Variants in CHEK2 observed in about 807,000 individuals in gnomAD.
The protein encoded by CHEK2 is serine/threonine-protein kinase Chk2.
In CHEK2, 71 loss-of-function variants were observed where a neutral mutation model predicts 69.1. That is an observed-to-expected ratio of 1.03 (90% CI 0.85 to 1.25). CHEK2 has a LOEUF of 1.25. Ranked by LOEUF, CHEK2 falls within the 50% of genes most tolerant of loss-of-function variation. The pLI, the probability that CHEK2 is intolerant of heterozygous loss-of-function variation, is 0.00. For synonymous variants in CHEK2, 189 were observed against 226.9 expected (o/e 0.83, Z 1.50); for missense variants, 664 against 649.6 (o/e 1.02, Z -0.24).
chr22:28,729,492 G>A (rs1428067431), intron 2 of CHEK2: 4 of 140,426 alleles, frequency 2.8e-5, no homozygotes, highest in Non-Finnish European at 6.0e-5. Context: ...GCAGTGAGCC[G>A]AGATCACGCC....
At chr22:28,700,307 G>C (rs1251196303) in intron 8 of CHEK2, among the ~76,000 whole-genome samples, 1 of 151,568 alleles carries the variant, frequency 6.6e-6, no homozygotes, top group East Asian at 1.9e-4. Context: ...CGCTTCCCAG[G>C]TTCAAGTGAT....
chr22:28,734,059 A>G (rs1407782502), intron 2 of CHEK2, among the ~76,000 whole-genome samples: 2 of 152,144 alleles, frequency 1.3e-5, no homozygotes, highest in East Asian at 3.9e-4. Flanking sequence ...CCGAGCTCCA[A>G]TTCACTTTGG....
At chr22:28,717,131 C>A (rs957994107) in intron 5 of CHEK2, among the ~76,000 whole-genome samples, 1 of 152,098 alleles carries the variant, frequency 6.6e-6, no homozygotes, top group Non-Finnish European at 1.5e-5. Context: ...ATAATCCCAG[C>A]ACTTTGGGGG....
chr22:28,741,148 CA>C lies in CHEK2; in HGVS notation c.-7+620del, dbSNP rs71194792. 5.1e-3 allele frequency among the ~76,000 whole-genome samples: 262 copies of C among 51,170 alleles called. 1 individual carries two copies. Among genetic ancestry groups the C allele is most frequent in the East Asian group, 0.021 (27 of 1,302 alleles). 33.6% of individuals were successfully genotyped at this position (51,170 alleles called of 152,430 possible). A position where few individuals can be genotyped will look rare whatever the true frequency, so the allele number is the denominator to read the frequency against. On this transcript the variant is annotated intron_variant, in intron 1 of 14. Transcript: ENST00000404276. ...CTGGCAACAGAGAGAGACTCCGTCT[CA>C]AAAAAAAAAAAAAAAAAAAAAAAGG...
At chr22:28,702,325 G>A (rs1174816082) in intron 8 of CHEK2, among the ~76,000 whole-genome samples, 5 of 150,478 alleles carry the variant, frequency 3.3e-5, no homozygotes, top group Non-Finnish European at 5.9e-5. Context: ...TGCAAGCTCC[G>A]CCTCCTGGGT....
intron 5 of CHEK2, among the ~76,000 whole-genome samples, chr22:28,713,148 A>G (rs892750461): frequency 6.6e-6 from 1 of 152,174 alleles, no homozygotes. Flanking sequence ...GTGGTACTTC[A>G]TTCCTTTTTA....
At chr22:28,738,693 CA>C (rs2054481437) in intron 1 of CHEK2, among the ~76,000 whole-genome samples, 1 of 152,104 alleles carries the variant, frequency 6.6e-6, no homozygotes. Flanking sequence ...TAGAAGAAAA[CA>C]CTGGGGAAGT....
At chr22:28,718,431 T>C (rs1049395400) in intron 5 of CHEK2, among the ~76,000 whole-genome samples, 10 of 152,092 alleles carry the variant, frequency 6.6e-5, no homozygotes, top group Non-Finnish European at 8.8e-5. Flanking sequence ...TCTGGATATA[T>C]ATCCAAAAAA....
intron 8 of CHEK2, among the ~76,000 whole-genome samples, chr22:28,702,013 A>G (rs1349936333): frequency 6.7e-6 from 1 of 148,534 alleles, no homozygotes; most frequent in Non-Finnish European, 1.5e-5. Flanking sequence ...GTGCAGTGGC[A>G]CAATCTCAGC....
rs17885956 is a variant in CHEK2, at chr22:28,699,646, AC to A, written c.1008+191del. ...CAAAATGCTGGGATTATGGGCATGAACCACCGCGCCTCGCCAGTGAGAGCTT... is the reference window on the plus strand; with the variant it reads ...CAAAATGCTGGGATTATGGGCATGAACACCGCGCCTCGCCAGTGAGAGCTT... On this transcript the variant is annotated intron_variant, in intron 9 of 14. Transcript: ENST00000404276. 111,705 of 597,736 alleles carry A rather than the reference AC, an allele frequency of 0.19. 12,426 individuals are homozygous for A. The highest frequency in any genetic ancestry group is 0.4 in the East Asian group (13,763 of 34,474). The allele number at this position is 597,736 out of a possible 1,614,324, so 37.0% of individuals were successfully genotyped here.
chr22:28,719,088 G>T (rs2053679185), intron 5 of CHEK2, among the ~76,000 whole-genome samples: 1 of 151,940 alleles, frequency 6.6e-6, no homozygotes. Context: ...CATTAGTTGT[G>T]CATGGTGCTG....
Position 28,741,819 on chromosome 22 carries a change from G to T in CHEK2, c.-57C>A. The T allele has an allele frequency of 3.7e-6, 2 of 544,236 alleles. No homozygotes were observed. Among genetic ancestry groups the T allele is most frequent in the Non-Finnish European group, 6.6e-6 (2 of 302,376 alleles). The allele number at this position is 544,236 out of a possible 1,614,324, so 33.7% of individuals were successfully genotyped here. ...ACTCTCCGCAGCCTCAGCCAGCAGA[G>T]TGGCGCTAAACCTGCAGATACAAAC... On this transcript the variant is annotated 5_prime_UTR_variant, in exon 1 of 15. Coordinates refer to ENST00000404276, the MANE Select transcript of CHEK2 (RefSeq NM_007194.4).
At chr22:28,695,474 T>C (rs1177616826) in intron 11 of CHEK2, among the ~76,000 whole-genome samples, 2 of 152,040 alleles carry the variant, frequency 1.3e-5, no homozygotes, top group East Asian at 1.9e-4. Flanking sequence ...CTGGGCAACA[T>C]GGCAAAACCC....
chr22:28,720,236 G>A (rs2053728246), intron 4 of CHEK2, among the ~76,000 whole-genome samples: 3 of 151,404 alleles, frequency 2.0e-5, no homozygotes, highest in East Asian at 3.9e-4. Flanking sequence ...GATTACAGGC[G>A]AACAGCACCA....
chr22:28,709,017 A>G (rs763834908), intron 7 of CHEK2: 25 of 407,330 alleles, frequency 6.1e-5, no homozygotes, highest in Non-Finnish European at 1.2e-4. Context: ...TTAGCTGGAC[A>G]GGAGAGAGAT....
At position 28,695,191 on chromosome 22, in the gene CHEK2, C is replaced by A; in HGVS notation, c.1311G>T (p.Lys437Asn). The A allele has an allele frequency of 6.2e-7, 1 of 1,613,482 alleles. No individual in the cohort carries two copies. ...TGTATTTTCCACTGGTGATCTGATC[C>A]TTCAGTGACACTTGAGTCCTATGCT... ...FSEHRTQVSL[K>N]DQITSGKYNF... Residue 437 changes from lysine (K) to asparagine (N), a missense_variant, in exon 12 of 15, where the codon AAG becomes AAT. Coordinates refer to ENST00000404276, the MANE Select transcript of CHEK2 (RefSeq NM_007194.4).
chr22:28,693,858 C>T (rs111466304), intron 13 of CHEK2, among the ~76,000 whole-genome samples, 174 bp downstream of exon 13: 2,998 of 145,190 alleles, frequency 0.021, 28 homozygotes, highest in Non-Finnish European at 0.028. Context: ...GAACCTGTCT[C>T]AAAAAAAAAA....
chr22:28,704,121 GACAC>G (rs10565000), intron 7 of CHEK2, among the ~76,000 whole-genome samples: 11,426 of 142,830 alleles, frequency 0.08, 464 homozygotes, highest in East Asian at 0.13. Flanking sequence ...GAGACAGACA[GACAC>G]ACACACACAC....
intron 5 of CHEK2, among the ~76,000 whole-genome samples, chr22:28,712,429 T>C (rs1260252239): frequency 6.6e-6 from 1 of 152,200 alleles, no homozygotes; most frequent in Non-Finnish European, 1.5e-5. Context: ...ATGAATAACT[T>C]TAATGGATAA....
Sources: allele counts gnomAD v4.1 joint callset (sites outside exome capture counted in the v4.1 genomes callset), GRCh38; gene constraint gnomAD v4.1.1; transcripts MANE v1.5; gene names NCBI Gene and HGNC (gene_info 2026-07-23, HGNC 2026-07-21).